PCDH9: variants seen among roughly 807,000 people sequenced by gnomAD.
The protein encoded by PCDH9 is protocadherin-9.
A neutral mutation model predicts 70.6 loss-of-function variants in PCDH9; 24 were observed. The ratio of observed to expected loss-of-function variants is 0.34; its 90% CI spans 0.25 to 0.48. The LOEUF (loss-of-function observed/expected upper bound fraction) is 0.48. Among genes scored for constraint, PCDH9 ranks in the 20% least tolerant of loss-of-function variants. The pLI is 0.99. For synonymous variants in PCDH9, 562 were observed against 558.5 expected, an observed-to-expected ratio of 1.01 and a Z score of -0.09; for missense variants, 1,281 against 1,503.6, an observed-to-expected ratio of 0.85 and a Z score of 2.45.
chr13:66,746,490 A>G (rs1182782572), intron 3 of PCDH9, among the ~76,000 whole-genome samples: 1 of 152,188 alleles, frequency 6.6e-6, no homozygotes, highest in South Asian at 2.1e-4. Context: ...CAGACAGAGA[A>G]CTACAATAAA....
chr13:66,473,246 A>G (rs989386874), intron 4 of PCDH9, among the ~76,000 whole-genome samples: 14 of 152,246 alleles, frequency 9.2e-5, no homozygotes, highest in African/African-American at 2.2e-4. Context: ...TTTAATAAAA[A>G]TCCAAAGCAA....
chr13:66,975,387 T>C (rs1329437286), intron 2 of PCDH9, among the ~76,000 whole-genome samples: 6 of 152,036 alleles, frequency 3.9e-5, no homozygotes, highest in Non-Finnish European at 1.5e-5. Context: ...TGCTCTGTGT[T>C]AGACATTGTC....
intron 4 of PCDH9, among the ~76,000 whole-genome samples, chr13:66,400,712 A>C (rs1957170515): frequency 6.6e-6 from 1 of 152,240 alleles, no homozygotes; most frequent in Admixed American, 6.5e-5. Flanking sequence ...TAATTGATTA[A>C]GTCTCAAGAA....
chr13:66,964,663 A>T (rs1043984109), intron 2 of PCDH9, among the ~76,000 whole-genome samples: 4 of 151,584 alleles, frequency 2.6e-5, no homozygotes, highest in South Asian at 2.1e-4. Flanking sequence ...TAATTAAGGA[A>T]TTTTTTTTTA....
intron 4 of PCDH9, among the ~76,000 whole-genome samples, chr13:66,512,291 T>C (rs1959515955): frequency 6.7e-6 from 1 of 149,858 alleles, no homozygotes; most frequent in South Asian, 2.1e-4. Context: ...ATTATATATA[T>C]ATATATATAT....
At chr13:66,638,933 T>G (rs1336141922) in intron 3 of PCDH9, among the ~76,000 whole-genome samples, 3 of 152,190 alleles carry the variant, frequency 2.0e-5, no homozygotes, top group African/African-American at 4.8e-5. Flanking sequence ...TTTTTACATT[T>G]TAGAAGATTT....
chr13:66,652,318 C>G (rs2077864173), intron 3 of PCDH9, among the ~76,000 whole-genome samples: 1 of 152,046 alleles, frequency 6.6e-6, no homozygotes, highest in Non-Finnish European at 1.5e-5. Flanking sequence ...AAATCAGTAG[C>G]ATTTATTTAT....
At chr13:66,710,782 C>T (rs570563728) in intron 3 of PCDH9, among the ~76,000 whole-genome samples, 14 of 151,942 alleles carry the variant, frequency 9.2e-5, no homozygotes, top group African/African-American at 3.4e-4. Context: ...TTTTTTAAAG[C>T]CTGCCTGTAT....
chr13:67,137,361 C>T (rs2087259297), intron 2 of PCDH9, among the ~76,000 whole-genome samples: 1 of 152,128 alleles, frequency 6.6e-6, no homozygotes, highest in Non-Finnish European at 1.5e-5. Flanking sequence ...ACTGTAAGCT[C>T]AACGGAATGT....
intron 2 of PCDH9, among the ~76,000 whole-genome samples, chr13:67,041,836 A>G (rs2085121771): frequency 6.6e-6 from 1 of 151,524 alleles, no homozygotes; most frequent in East Asian, 1.9e-4. Flanking sequence ...GTCTCAAAAA[A>G]AAAAAAAAAA....
rs1196399031 is a variant in PCDH9, at chr13:67,228,595, G to A, written c.-135-20C>T. On this transcript the variant is annotated intron_variant, in intron 1 of 4. Transcript: ENST00000377865. ...CAGCCGCTGTCAACACAATTGTATA[G>A]ACAATATTATTCTTCAGTAAATAAA... 4 of 529,338 alleles carry A rather than the reference G, an allele frequency of 7.6e-6. No homozygotes were observed. Among genetic ancestry groups the A allele is most frequent in the South Asian group, 8.0e-5 (2 of 25,146 alleles). 32.8% of individuals were successfully genotyped at this position (529,338 alleles called of 1,614,324 possible).
intron 2 of PCDH9, among the ~76,000 whole-genome samples, chr13:66,935,627 A>AT (rs894560572): frequency 4.6e-5 from 7 of 152,274 alleles, no homozygotes; most frequent in East Asian, 1.9e-4. Flanking sequence ...GTGGAAGTGC[A>AT]TTTTTTTATT....
At chr13:66,416,976 T>C (rs145549744) in intron 4 of PCDH9, among the ~76,000 whole-genome samples, 2 of 152,306 alleles carry the variant, frequency 1.3e-5, no homozygotes, top group African/African-American at 4.8e-5. Flanking sequence ...TTATGAAGTA[T>C]TGGACTATTT....
chr13:66,700,560 A>C (rs1280482250), intron 3 of PCDH9, among the ~76,000 whole-genome samples: 1 of 152,166 alleles, frequency 6.6e-6, no homozygotes, highest in Non-Finnish European at 1.5e-5. Flanking sequence ...TCTGTGAGTA[A>C]TTACAATTCA....
intron 2 of PCDH9, among the ~76,000 whole-genome samples, chr13:67,075,816 CAAT>C (rs924438107): frequency 3.0e-4 from 45 of 151,694 alleles, no homozygotes; most frequent in African/African-American, 2.2e-4. Context: ...AAATAAATGA[CAAT>C]AATAATAATA....
chr13:66,590,055 A>G (rs1475148789), intron 4 of PCDH9, among the ~76,000 whole-genome samples: 3 of 152,072 alleles, frequency 2.0e-5, no homozygotes, highest in Non-Finnish European at 4.4e-5. Context: ...GCCAAAATAA[A>G]AGCAGAGTGT....
intron 4 of PCDH9, among the ~76,000 whole-genome samples, chr13:66,338,890 A>AG (rs370463451): frequency 6.6e-6 from 1 of 151,544 alleles, no homozygotes; most frequent in Non-Finnish European, 1.5e-5. Flanking sequence ...GAGAAAAAAA[A>AG]AGAAGTAAAG....
At chr13:67,191,597 T>G (rs1048236767) in intron 2 of PCDH9, among the ~76,000 whole-genome samples, 3 of 152,146 alleles carry the variant, frequency 2.0e-5, no homozygotes, top group Admixed American at 2.0e-4. Flanking sequence ...AAAGCTATTG[T>G]GCTCACCATA....
intron 2 of PCDH9, among the ~76,000 whole-genome samples, chr13:67,000,492 TA>T (rs2084220539): frequency 1.2e-5 from 1 of 83,096 alleles, no homozygotes; most frequent in Admixed American, 1.2e-4. Context: ...AATAATAAAA[TA>T]AAATAAAAAA....
Sources: gnomAD v4.1 joint callset for allele counts (sites outside exome capture counted in the v4.1 genomes callset) on GRCh38, gnomAD v4.1.1 for gene constraint, MANE v1.5 for transcripts, NCBI Gene and HGNC (gene_info 2026-07-23, HGNC 2026-07-21) for gene names.